MYO3A: variants seen among roughly 807,000 people sequenced by gnomAD.
MYO3A encodes myosin IIIA.
A neutral mutation model predicts 192.7 loss-of-function variants in MYO3A; 180 were observed. That is an observed-to-expected ratio of 0.93 (90% CI 0.83 to 1.06). The LOEUF (loss-of-function observed/expected upper bound fraction) is 1.06, where lower values mean the gene tolerates loss of function less well. MYO3A is among the 50% of genes least tolerant of loss of function. The pLI is 0.00. For missense variants in MYO3A, 1,896 were observed against 1,905.0 expected (o/e 1.00, Z 0.09); for synonymous variants, 628 against 645.3 (o/e 0.97, Z 0.41).
At chr10:25,982,873 G>A (rs897311731) in intron 4 of MYO3A, among the ~76,000 whole-genome samples, 5 of 151,932 alleles carry the variant, frequency 3.3e-5, no homozygotes, top group Non-Finnish European at 5.9e-5. Context: ...CTAGTAATAC[G>A]ACAAAACAAG....
intron 4 of MYO3A, among the ~76,000 whole-genome samples, chr10:25,965,809 C>T (rs1564411378): frequency 6.6e-6 from 1 of 152,016 alleles, no homozygotes; most frequent in Admixed American, 6.6e-5. Flanking sequence ...CCCTACTTTT[C>T]CTTTCTGCTC....
intron 7 of MYO3A, among the ~76,000 whole-genome samples, chr10:26,018,282 C>T (rs971757402): frequency 6.6e-6 from 1 of 151,586 alleles, no homozygotes; most frequent in African/African-American, 2.4e-5. Flanking sequence ...CATGGAAATA[C>T]ATGTTTGAGA....
At chr10:26,185,329 CTTTTTTTTTTTT>C (rs61581382) in intron 31 of MYO3A, among the ~76,000 whole-genome samples, 1 of 63,858 alleles carries the variant, frequency 1.6e-5, no homozygotes, top group Admixed American at 2.1e-4. Flanking sequence ...TTCCAGGATT[CTTTTTTTTTTTT>C]TTTTTTTTTT....
intron 28 of MYO3A, 99 bp from the exon 29 acceptor site, chr10:26,170,316 CT>C: frequency 7.5e-7 from 1 of 1,325,826 alleles, no homozygotes; most frequent in South Asian, 1.4e-5. Context: ...TTTTATTTTC[CT>C]CTTTGACATC....
chr10:25,998,272 G>A (rs572249044), intron 6 of MYO3A, among the ~76,000 whole-genome samples: 1 of 152,288 alleles, frequency 6.6e-6, no homozygotes, highest in South Asian at 2.1e-4. Flanking sequence ...CTAAAGCTCA[G>A]CAAGTTAATG....
chr10:25,940,355 G>C (rs1302195076), intron 2 of MYO3A, among the ~76,000 whole-genome samples: 1 of 151,468 alleles, frequency 6.6e-6, no homozygotes, highest in Non-Finnish European at 1.5e-5. Flanking sequence ...AGATTCTGCT[G>C]TTACAAGTAT....
chr10:26,163,112 G>A (rs1841561117), intron 26 of MYO3A, among the ~76,000 whole-genome samples: 1 of 152,210 alleles, frequency 6.6e-6, no homozygotes, highest in African/African-American at 2.4e-5. Context: ...AGAGGAGGCT[G>A]GAAAGGCAGA....
chr10:25,994,902 T>G (rs1359985286), intron 4 of MYO3A, among the ~76,000 whole-genome samples: 3 of 152,246 alleles, frequency 2.0e-5, no homozygotes, highest in Admixed American at 6.5e-5. Flanking sequence ...TGGGCTTCCC[T>G]TTGTGGGTAA....
At chr10:26,131,776 A>G (rs970721263) in intron 20 of MYO3A, among the ~76,000 whole-genome samples, 1 of 152,188 alleles carries the variant, frequency 6.6e-6, no homozygotes, top group African/African-American at 2.4e-5. Context: ...TATTTATTTT[A>G]ATGAAATCTA....
intron 14 of MYO3A, among the ~76,000 whole-genome samples, chr10:26,081,572 G>A (rs945984339): frequency 6.6e-6 from 1 of 152,096 alleles, no homozygotes; most frequent in Non-Finnish European, 1.5e-5. Context: ...CCCGAGTTGG[G>A]GCCAGACTTC....
chr10:26,187,356 A>G (rs1383031269), intron 31 of MYO3A, among the ~76,000 whole-genome samples: 4 of 152,214 alleles, frequency 2.6e-5, no homozygotes, highest in Admixed American at 2.6e-4. Context: ...TAAACAGCAG[A>G]AACTTACTTT....
At chr10:25,972,556 AT>A (rs1380147152) in intron 4 of MYO3A, among the ~76,000 whole-genome samples, 2 of 152,058 alleles carry the variant, frequency 1.3e-5, no homozygotes, top group Non-Finnish European at 2.9e-5. Flanking sequence ...TTAAATTATT[AT>A]AAGAAGTCTT....
intron 31 of MYO3A, among the ~76,000 whole-genome samples, chr10:26,185,725 C>G (rs1357081862): frequency 6.6e-6 from 1 of 151,942 alleles, no homozygotes; most frequent in Non-Finnish European, 1.5e-5. Context: ...TTTTCTCAAC[C>G]CACATTACTC....
At chr10:26,193,806 C>T (rs1843270065) in intron 32 of MYO3A, among the ~76,000 whole-genome samples, 1 of 152,216 alleles carries the variant, frequency 6.6e-6, no homozygotes, top group Non-Finnish European at 1.5e-5. Context: ...CCATATCTCT[C>T]AGATCAGGAT....
chr10:26,052,759 A>T (rs139397151), intron 10 of MYO3A, among the ~76,000 whole-genome samples: 250 of 152,354 alleles, frequency 1.6e-3, no homozygotes, highest in African/African-American at 5.9e-3. Context: ...GTAAAAGCAA[A>T]TAAAGCTGTT....
chr10:25,990,973 A>G (rs915948473), intron 4 of MYO3A, among the ~76,000 whole-genome samples: 1 of 152,076 alleles, frequency 6.6e-6, no homozygotes, highest in Non-Finnish European at 1.5e-5. Context: ...CAATAAACAT[A>G]TGTGTGCATG....
At chr10:26,017,147 G>C (rs536118006) in intron 7 of MYO3A, among the ~76,000 whole-genome samples, 197 of 152,166 alleles carry the variant, frequency 1.3e-3, no homozygotes, top group African/African-American at 4.5e-3. Context: ...ACTACTTCCA[G>C]GTTTGATTTT....
chr10:26,000,144 G>A (rs552909898), intron 6 of MYO3A, among the ~76,000 whole-genome samples: 1 of 152,162 alleles, frequency 6.6e-6, no homozygotes, highest in East Asian at 1.9e-4. Flanking sequence ...ATGATCCTCC[G>A]TGCTGGAACA....
intron 14 of MYO3A, among the ~76,000 whole-genome samples, chr10:26,081,133 T>TGCCCCCCCCCCCCCCCC: frequency 1.2e-5 from 1 of 84,982 alleles, no homozygotes; most frequent in East Asian, 2.9e-4. Context: ...TATATGCCCT[T>TGCCCCCCCCCCCCCCCC]CCCCCCCCCC....
Sources: allele counts gnomAD v4.1 joint callset (sites outside exome capture counted in the v4.1 genomes callset), GRCh38; gene constraint gnomAD v4.1.1; transcripts MANE v1.5; gene names NCBI Gene and HGNC (gene_info 2026-07-23, HGNC 2026-07-21).